The following HDAC4 variants were observed in gnomAD, a reference collection of about 807,000 sequenced individuals.
HDAC4 encodes histone deacetylase 4.
Under a neutral mutation model 135.1 loss-of-function variants are expected in HDAC4, and 16 were observed. The ratio of observed to expected loss-of-function variants is 0.12; its 90% CI spans 0.08 to 0.18. The LOEUF is 0.18. Among genes scored for constraint, HDAC4 ranks in the 10% least tolerant of loss-of-function variants. The probability of loss-of-function intolerance (pLI) is 1.00; values close to 1 mark genes in which losing one functional copy is unlikely to be tolerated. For missense variants in HDAC4, 1,143 were observed against 1,511.8 expected (o/e 0.76, Z 4.05); for synonymous variants, 685 against 653.4 (o/e 1.05, Z -0.74).
chr2:239,142,276 C>T (rs2041433363), intron 8 of HDAC4, among the ~76,000 whole-genome samples: 1 of 152,198 alleles, frequency 6.6e-6, no homozygotes, highest in South Asian at 2.1e-4. Flanking sequence ...CTCCACCGCT[C>T]CATATGGGAC....
intron 3 of HDAC4, among the ~76,000 whole-genome samples, chr2:239,207,143 A>T (rs2046094384): frequency 1.3e-5 from 2 of 152,226 alleles, no homozygotes; most frequent in South Asian, 4.1e-4. Context: ...TTCAAAAAAA[A>T]AAAAATTTCT....
At chr2:239,298,240 A>G in intron 2 of HDAC4, 1 of 1,288,986 alleles carries the variant, frequency 7.8e-7, no homozygotes, top group African/African-American at 1.5e-5. Context: ...CAGACCTAAG[A>G]TCAAATCCAG....
At chr2:239,367,259 G>C (rs1249697599) in intron 1 of HDAC4, among the ~76,000 whole-genome samples, 1 of 152,168 alleles carries the variant, frequency 6.6e-6, no homozygotes, top group Non-Finnish European at 1.5e-5. Context: ...CTGAACGAGA[G>C]CCGGTGTGAG....
chr2:239,082,550 G>A (rs558543245), intron 20 of HDAC4, among the ~76,000 whole-genome samples: 47 of 152,348 alleles, frequency 3.1e-4, no homozygotes, highest in African/African-American at 7.9e-4. Context: ...TTTCCCAGAC[G>A]AAGCCATCTG....
chr2:239,179,231 C>G (rs1207510028), intron 4 of HDAC4, among the ~76,000 whole-genome samples: 1 of 152,212 alleles, frequency 6.6e-6, no homozygotes, highest in Admixed American at 6.5e-5. Context: ...GGGATGCCAC[C>G]CACGTCACAC....
intron 12 of HDAC4, among the ~76,000 whole-genome samples, chr2:239,125,019 G>T (rs202097039): frequency 1.3e-5 from 2 of 151,158 alleles, no homozygotes; most frequent in African/African-American, 4.9e-5. Context: ...GTGACATTCC[G>T]GTGTGCCGGC....
chr2:239,156,502 A>G, intron 7 of HDAC4, 150 bp downstream of exon 7: 1 of 952,892 alleles, frequency 1.0e-6, no homozygotes, highest in Non-Finnish European at 1.6e-6. Context: ...TATCTTTTAA[A>G]AACGATGCTC....
rs551150780 is a variant in HDAC4, at chr2:239,367,926, C to T, written c.-219-15008G>A. Among the ~76,000 whole-genome samples the T allele has an allele frequency of 1.3e-3, 194 of 151,824 alleles. 8 individuals are homozygous for T. The South Asian group carries it at 0.039, about 31-fold the overall frequency. On this transcript the variant is annotated intron_variant, in intron 1 of 26. Coordinates refer to ENST00000543185, the MANE Select transcript of HDAC4 (RefSeq NM_001378414.1). ...CTGGGAGGCGGAGGTGGCAGTGAGC[C>T]GAGACCACACCACTGCACTCCAGCC... is the stretch of plus-strand genomic sequence containing the variant.
chr2:239,280,216 G>C (rs76138688), intron 2 of HDAC4, among the ~76,000 whole-genome samples: 5,489 of 152,084 alleles, frequency 0.036, 124 homozygotes, highest in East Asian at 0.079. Context: ...ATATTCTCTC[G>C]TTTTTAACAA....
intron 2 of HDAC4, among the ~76,000 whole-genome samples, chr2:239,289,388 T>C (rs2051331836): frequency 6.6e-6 from 1 of 152,176 alleles, no homozygotes; most frequent in Non-Finnish European, 1.5e-5. Flanking sequence ...TTAGTCGAGG[T>C]GTCATTTAAG....
At chr2:239,239,522 A>T (rs1474645798) in intron 2 of HDAC4, among the ~76,000 whole-genome samples, 1 of 152,108 alleles carries the variant, frequency 6.6e-6, no homozygotes, top group Non-Finnish European at 1.5e-5. Flanking sequence ...ATAAACTCAG[A>T]AGCACATAAG....
rs1377474178 is a variant in HDAC4 at position 239,115,993 on chromosome 2, C to T, written c.1534-683G>A. On this transcript the variant is annotated intron_variant, in intron 12 of 26. Transcript: ENST00000543185. This position sits in a 1 kb window ranked among gnomAD's most constrained non-coding sequence, Gnocchi z 6.3. Reference sequence around the variant, plus strand: ...CCCCGCTATGGGGCCCCAAGAACCGCAACATCCTCCCTCCTGTGGGACTCC... The same window carrying T: ...CCCCGCTATGGGGCCCCAAGAACCGTAACATCCTCCCTCCTGTGGGACTCC... Among the ~76,000 whole-genome samples the T allele has an allele frequency of 1.3e-5, 2 of 152,160 alleles. No homozygotes were observed. The highest frequency in any genetic ancestry group is 2.9e-5 in the Non-Finnish European group (2 of 68,028).
chr2:239,119,928 C>T (rs557468803), intron 12 of HDAC4, among the ~76,000 whole-genome samples: 5 of 151,034 alleles, frequency 3.3e-5, no homozygotes, highest in South Asian at 2.2e-4. Flanking sequence ...GGGGACCACC[C>T]GTGGACAGGA....
chr2:239,266,675 T>C (rs1575566674), intron 2 of HDAC4, among the ~76,000 whole-genome samples: 2 of 152,186 alleles, frequency 1.3e-5, no homozygotes, highest in African/African-American at 4.8e-5. Context: ...CCACCCTCTC[T>C]CCCTCTGTCT....
At chr2:239,381,833 C>T (rs1193428426) in intron 1 of HDAC4, among the ~76,000 whole-genome samples, 1 of 152,198 alleles carries the variant, frequency 6.6e-6, no homozygotes. Context: ...TGACAAATGT[C>T]CCCTGGGGGA....
intron 1 of HDAC4, among the ~76,000 whole-genome samples, chr2:239,357,354 T>G (rs963501717): frequency 2.0e-5 from 3 of 151,770 alleles, no homozygotes; most frequent in African/African-American, 7.3e-5. Flanking sequence ...GGAGGAAACA[T>G]AAGTACCAAA....
rs749894892 is a variant in HDAC4 at position 239,139,470 on chromosome 2, C to T, written c.978+214G>A. Among the ~76,000 whole-genome samples the T allele has an allele frequency of 2.6e-4, 39 of 152,248 alleles. No homozygotes were observed. Among genetic ancestry groups the T allele is most frequent in the Non-Finnish European group, 3.4e-4 (23 of 68,022 alleles). On this transcript the variant is annotated intron_variant, in intron 9 of 26. Coordinates refer to ENST00000543185, the MANE Select transcript of HDAC4 (RefSeq NM_001378414.1). The surrounding 1 kb of genome is among the most constrained non-coding windows in gnomAD (Gnocchi z 5.3). ...CTGTCCCCGACGTGCCTGGAACTAG[C>T]GTGTTCATAATGAAAGGAGATGTCT...
intron 16 of HDAC4, among the ~76,000 whole-genome samples, chr2:239,098,534 C>A (rs2037323167): frequency 6.6e-6 from 1 of 152,260 alleles, no homozygotes; most frequent in Non-Finnish European, 1.5e-5. Flanking sequence ...TGCCAGCTGA[C>A]ATGAGCAGAT....
chr2:239,142,610 C>T (rs10211599), intron 8 of HDAC4, among the ~76,000 whole-genome samples: 25,402 of 149,058 alleles, frequency 0.17, 2,872 homozygotes, highest in African/African-American at 0.34. Flanking sequence ...ACTGATCACG[C>T]CCTGCCACGC....
Sources: gnomAD v4.1 joint callset for allele counts (sites outside exome capture counted in the v4.1 genomes callset) on GRCh38, gnomAD v4.1.1 for gene constraint, Gnocchi (gnomAD v3.1) non-coding constraint, MANE v1.5 for transcripts, NCBI Gene and HGNC (gene_info 2026-07-23, HGNC 2026-07-21) for gene names.